PCDH15: variants seen among roughly 807,000 people sequenced by gnomAD.
PCDH15 encodes the protein protocadherin-15.
PCDH15 carries 129 observed loss-of-function variants against 178.5 expected under a neutral mutation model. That is an observed-to-expected ratio of 0.72 (90% CI 0.63 to 0.84). The LOEUF (loss-of-function observed/expected upper bound fraction) is 0.84. Among genes scored for constraint, PCDH15 ranks in the 40% least tolerant of loss-of-function variants. PCDH15 has a pLI of 0.00. For synonymous variants in PCDH15, 800 were observed against 732.0 expected (o/e 1.09, Z -1.50); for missense variants, 2,230 against 2,099.9 (o/e 1.06, Z -1.21).
At chr10:53,830,296 C>A (rs1278923107) in intron 30 of PCDH15, among the ~76,000 whole-genome samples, 1 of 135,102 alleles carries the variant, frequency 7.4e-6, no homozygotes, top group African/African-American at 2.8e-5. Flanking sequence ...AGCCAGACTC[C>A]GTCTCCAGGA....
intron 1 of PCDH15, among the ~76,000 whole-genome samples, chr10:55,300,316 T>A (rs1291202472): frequency 6.6e-6 from 1 of 152,164 alleles, no homozygotes; most frequent in Non-Finnish European, 1.5e-5. Flanking sequence ...TCCTGGATGA[T>A]CTTAGCCTTC....
intron 13 of PCDH15, among the ~76,000 whole-genome samples, chr10:54,181,586 G>T (rs970635140): frequency 1.3e-5 from 2 of 152,024 alleles, no homozygotes; most frequent in Non-Finnish European, 2.9e-5. Flanking sequence ...GTTGCCATCA[G>T]CAGCTACCGT....
intron 1 of PCDH15, among the ~76,000 whole-genome samples, chr10:54,780,183 T>G (rs555731485): frequency 2.6e-5 from 4 of 152,274 alleles, no homozygotes; most frequent in South Asian, 4.1e-4. Flanking sequence ...TAGGGAATAC[T>G]TCATCACTTT....
At chr10:54,381,103 C>A (rs909093326) in intron 3 of PCDH15, among the ~76,000 whole-genome samples, 5 of 151,402 alleles carry the variant, frequency 3.3e-5, no homozygotes, top group African/African-American at 1.2e-4. Context: ...TACAAGCTTG[C>A]TTTAAGCCAA....
At chr10:53,882,075 C>A (rs192238682) in intron 26 of PCDH15, among the ~76,000 whole-genome samples, 7 of 151,408 alleles carry the variant, frequency 4.6e-5, no homozygotes, top group Non-Finnish European at 7.4e-5. Context: ...CTGCAACCTC[C>A]GCCTTCTGAG....
At chr10:54,115,953 T>C (rs2095105674) in intron 15 of PCDH15, among the ~76,000 whole-genome samples, 2 of 152,302 alleles carry the variant, frequency 1.3e-5, no homozygotes, top group South Asian at 4.1e-4. Flanking sequence ...TTAGATCTGT[T>C]GAAATAATCT....
rs73268263 is a variant in PCDH15, at chr10:54,814,699, A to C, written c.-29+82751T>G. ...GACATGATTACAGTTCCCCATTAAC[A>C]CATTAATGCCTGAGGTTGCAATTTT... On this transcript the variant is annotated intron_variant, in intron 3 of 5. Coordinates refer to the PCDH15 transcript ENST00000458638. Among the ~76,000 whole-genome samples the C allele has an allele frequency of 3.7e-3, 560 of 152,268 alleles. 1 individual carries two copies. The highest frequency in any genetic ancestry group is 0.013 in the African/African-American group (538 of 41,562).
At chr10:54,988,417 C>A (rs1006673839) in intron 2 of PCDH15, among the ~76,000 whole-genome samples, 1 of 152,080 alleles carries the variant, frequency 6.6e-6, no homozygotes, top group Non-Finnish European at 1.5e-5. Flanking sequence ...CAGAAGAAGA[C>A]AAGACGTGGG....
intron 8 of PCDH15, among the ~76,000 whole-genome samples, chr10:54,245,599 T>G (rs779192854): frequency 6.6e-6 from 1 of 152,034 alleles, no homozygotes; most frequent in African/African-American, 2.4e-5. Flanking sequence ...TAGTAGAAAA[T>G]AAGGTAAATG....
intron 8 of PCDH15, among the ~76,000 whole-genome samples, chr10:54,297,681 A>AG (rs2059887818): frequency 1.3e-5 from 2 of 152,124 alleles, no homozygotes; most frequent in Admixed American, 1.3e-4. Flanking sequence ...CCCTTTAAGT[A>AG]GGGGGAGGGG....
chr10:54,114,774 A>G (rs1462730552), intron 15 of PCDH15, among the ~76,000 whole-genome samples: 2 of 152,164 alleles, frequency 1.3e-5, no homozygotes, highest in Non-Finnish European at 1.5e-5. Context: ...GGAGCCTTTC[A>G]GGTAGTGGAA....
At chr10:54,794,973 T>C (rs1951813157) in intron 1 of PCDH15, among the ~76,000 whole-genome samples, 1 of 151,888 alleles carries the variant, frequency 6.6e-6, no homozygotes, top group Non-Finnish European at 1.5e-5. Context: ...AGTACTTTAC[T>C]TTCTGGCAAA....
At chr10:55,264,607 G>A (rs2132239091) in intron 1 of PCDH15, among the ~76,000 whole-genome samples, 1 of 152,102 alleles carries the variant, frequency 6.6e-6, no homozygotes, top group East Asian at 1.9e-4. Context: ...AGGAAATGAG[G>A]GACGCCTCTA....
At chr10:55,087,022 C>G (rs1442291365) in intron 2 of PCDH15, among the ~76,000 whole-genome samples, 3 of 151,916 alleles carry the variant, frequency 2.0e-5, no homozygotes, top group African/African-American at 7.2e-5. Flanking sequence ...ATTATAAAAT[C>G]AAAGTTTTAC....
intron 11 of PCDH15, among the ~76,000 whole-genome samples, 193 bp downstream of exon 11, chr10:54,195,490 G>A (rs542833016): frequency 6.6e-6 from 1 of 152,164 alleles, no homozygotes; most frequent in East Asian, 1.9e-4. Context: ...AAGCTGAAAA[G>A]GAATAGTTAT....
intron 4 of PCDH15, among the ~76,000 whole-genome samples, chr10:54,370,467 T>C (rs1365668292): frequency 6.6e-6 from 1 of 151,976 alleles, no homozygotes; most frequent in Admixed American, 6.6e-5. Flanking sequence ...CTGTGTGTTA[T>C]TTTAGTCATG....
intron 25 of PCDH15, among the ~76,000 whole-genome samples, chr10:53,937,226 G>A (rs1384365723): frequency 6.6e-6 from 1 of 152,090 alleles, no homozygotes; most frequent in Non-Finnish European, 1.5e-5. Flanking sequence ...AGAACTTAAT[G>A]CACCTCTATT....
chr10:54,796,962 A>G (rs1008450550), intron 1 of PCDH15, among the ~76,000 whole-genome samples: 2 of 152,064 alleles, frequency 1.3e-5, no homozygotes, highest in African/African-American at 2.4e-5. Context: ...TTCCATAAGG[A>G]TTCAGTGATG....
chr10:54,466,458 G>A (rs1385022568), intron 3 of PCDH15, among the ~76,000 whole-genome samples: 5 of 151,410 alleles, frequency 3.3e-5, no homozygotes, highest in Admixed American at 3.3e-4. Context: ...TAGGTTCTTG[G>A]TGTCTTTGTC....
Sources: gnomAD v4.1 joint callset for allele counts (sites outside exome capture counted in the v4.1 genomes callset) on GRCh38, gnomAD v4.1.1 for gene constraint, MANE v1.5 for transcripts, NCBI Gene and HGNC (gene_info 2026-07-23, HGNC 2026-07-21) for gene names.